Variants in ARFGEF3 observed in about 807,000 individuals in gnomAD.
The protein encoded by ARFGEF3 is brefeldin A-inhibited guanine nucleotide-exchange protein 3.
ARFGEF3 carries 96 observed loss-of-function variants against 221.7 expected under a neutral mutation model. That is an observed-to-expected ratio of 0.43 (90% CI 0.37 to 0.51). The LOEUF is 0.51. Among genes scored for constraint, ARFGEF3 ranks in the 20% least tolerant of loss-of-function variants. The pLI, the probability that ARFGEF3 is intolerant of heterozygous loss-of-function variation, is 0.00. For synonymous variants in ARFGEF3, 1,145 were observed against 1,126.8 expected, an observed-to-expected ratio of 1.02 and a Z score of -0.32; for missense variants, 2,410 against 2,789.9, an observed-to-expected ratio of 0.86 and a Z score of 3.07.
At chr6:138,283,137 G>T (rs1007621445) in intron 14 of ARFGEF3, among the ~76,000 whole-genome samples, 1 of 152,128 alleles carries the variant, frequency 6.6e-6, no homozygotes, top group Non-Finnish European at 1.5e-5. Flanking sequence ...CTTGATTTCC[G>T]TTTGTTTTCA....
At chr6:138,169,993 A>T (rs1776795741) in intron 1 of ARFGEF3, among the ~76,000 whole-genome samples, 1 of 152,204 alleles carries the variant, frequency 6.6e-6, no homozygotes, top group Admixed American at 6.5e-5. Flanking sequence ...GCAAGACTGG[A>T]GACAAGTTGG....
rs1776677252 is a variant in ARFGEF3, at chr6:138,164,258, CTCAGAATGCTCT to C, written c.85+2095_85+2106del. On this transcript the variant is annotated intron_variant, in intron 1 of 33. Coordinates refer to ENST00000251691, the MANE Select transcript of ARFGEF3 (RefSeq NM_020340.5). The stretch of plus-strand genomic sequence containing the variant: ...TATTTCTAGATTAATGTGTAAATTC[CTCAGAATGCTCT>C]TCAGAATCTAGCCCCAGCCTCTGTT... Among the ~76,000 whole-genome samples, 7 of 152,312 alleles carry C rather than the reference CTCAGAATGCTCT, an allele frequency of 4.6e-5. No individual in the cohort carries two copies. The South Asian group carries it at 1.5e-3, about 32-fold the overall frequency.
At chr6:138,172,157 T>C (rs1776848176) in intron 2 of ARFGEF3, among the ~76,000 whole-genome samples, 1 of 152,220 alleles carries the variant, frequency 6.6e-6, no homozygotes, top group South Asian at 2.1e-4. Context: ...AGCTTATACA[T>C]GAACAGAATG....
intron 14 of ARFGEF3, among the ~76,000 whole-genome samples, chr6:138,282,955 G>A (rs996154758): frequency 1.3e-5 from 2 of 152,136 alleles, no homozygotes; most frequent in African/African-American, 4.8e-5. Context: ...GGAGGCTAAG[G>A]TGGAAGAACC....
At chr6:138,315,541 A>ATGAT (rs1368040756) in intron 26 of ARFGEF3, among the ~76,000 whole-genome samples, 2 of 152,128 alleles carry the variant, frequency 1.3e-5, no homozygotes, top group Non-Finnish European at 2.9e-5. Context: ...TTCGATGGAG[A>ATGAT]TGATAAACAA....
intron 10 of ARFGEF3, among the ~76,000 whole-genome samples, chr6:138,259,362 G>C (rs994178053): frequency 3.3e-5 from 5 of 152,164 alleles, no homozygotes; most frequent in African/African-American, 1.2e-4. Context: ...GTTTTTCAAA[G>C]CACAGCCCCT....
intron 8 of ARFGEF3, 145 bp from the exon 9 acceptor site, chr6:138,253,735 A>G (rs890268704): frequency 1.5e-6 from 1 of 668,354 alleles, no homozygotes; most frequent in African/African-American, 1.8e-5. Flanking sequence ...GGAGAGAGAC[A>G]CAGTTCAACC....
intron 24 of ARFGEF3, among the ~76,000 whole-genome samples, chr6:138,310,966 A>T (rs1779816184): frequency 6.6e-6 from 1 of 152,216 alleles, no homozygotes; most frequent in South Asian, 2.1e-4. Flanking sequence ...GAAGCGCTTC[A>T]TTCCAGCCCA....
chr6:138,190,304 C>T (rs989996379), intron 2 of ARFGEF3, among the ~76,000 whole-genome samples: 4 of 151,878 alleles, frequency 2.6e-5, no homozygotes, highest in Non-Finnish European at 5.9e-5. Flanking sequence ...GTGGAGGAAG[C>T]ACTAACCTTG....
Position 138,296,799 on chromosome 6 carries a change from C to A in ARFGEF3, c.3503-11C>A. ...TGGCTTTCTGGCATTTATGTTCTTG[C>A]CTTCCTGTAGGAGAAGTTAAATCCA... On this transcript the variant is annotated splice_polypyrimidine_tract_variant and intron_variant, in intron 20 of 33. Coordinates refer to ENST00000251691, the MANE Select transcript of ARFGEF3 (RefSeq NM_020340.5). 1 of 1,611,472 alleles carries A rather than the reference C, an allele frequency of 6.2e-7. No individual in the cohort carries two copies. The highest frequency in any genetic ancestry group is 2.2e-5 in the East Asian group (1 of 44,868).
At chr6:138,213,227 A>G (rs983574866) in intron 4 of ARFGEF3, among the ~76,000 whole-genome samples, 13 of 150,634 alleles carry the variant, frequency 8.6e-5, no homozygotes, top group Non-Finnish European at 1.3e-4. Context: ...GGCAGAGCTT[A>G]TAGTGAGCTG....
chr6:138,310,227 G>A (rs1035875720), intron 24 of ARFGEF3, among the ~76,000 whole-genome samples: 2 of 152,276 alleles, frequency 1.3e-5, no homozygotes, highest in African/African-American at 2.4e-5. Flanking sequence ...ATTTTGGGAC[G>A]CCTGCTGTAA....
chr6:138,192,895 T>C (rs1410531093), intron 2 of ARFGEF3, among the ~76,000 whole-genome samples: 1 of 151,898 alleles, frequency 6.6e-6, no homozygotes, highest in Admixed American at 6.5e-5. Flanking sequence ...TGACCAAGAG[T>C]AGTTTGACTC....
At chr6:138,191,546 T>G (rs1777304890) in intron 2 of ARFGEF3, among the ~76,000 whole-genome samples, 1 of 152,170 alleles carries the variant, frequency 6.6e-6, no homozygotes. Context: ...CCTATCCTTC[T>G]GTTCTGCACC....
In ARFGEF3 at chr6:138,342,039, C is replaced by T. The variant is rs1178986960; in HGVS notation, c.*5553C>T. The T allele has an allele frequency of 1.3e-5, 2 of 152,184 alleles. No individual in the cohort carries two copies. Among genetic ancestry groups the T allele is most frequent in the Admixed American group, 6.5e-5 (1 of 15,278 alleles). The allele number at this position is 152,184 out of a possible 1,614,324, so 9.4% of individuals were successfully genotyped here. ...TGAATCCCATCTAATTATGGTCCTT[C>T]CACCCTTTTCAACCACCAACAACTG... is the stretch of plus-strand genomic sequence containing the variant. On this transcript the variant is annotated 3_prime_UTR_variant, in exon 34 of 34. Transcript: ENST00000251691.
At chr6:138,295,636 AAAAAG>A (rs1779497703) in intron 20 of ARFGEF3, among the ~76,000 whole-genome samples, 1 of 151,896 alleles carries the variant, frequency 6.6e-6, no homozygotes, top group Non-Finnish European at 1.5e-5. Flanking sequence ...TCAAAAAAAA[AAAAAG>A]AAAGAAAGAA....
At chr6:138,250,051 A>G (rs907332844) in intron 8 of ARFGEF3, among the ~76,000 whole-genome samples, 9 of 152,212 alleles carry the variant, frequency 5.9e-5, no homozygotes, top group Admixed American at 2.6e-4. Flanking sequence ...CTTTATTTCT[A>G]TTAGCTAAAC....
At chr6:138,255,083 G>A (rs1778650504) in intron 9 of ARFGEF3, among the ~76,000 whole-genome samples, 1 of 152,212 alleles carries the variant, frequency 6.6e-6, no homozygotes, top group Non-Finnish European at 1.5e-5. Context: ...AATGATAGGT[G>A]TCAGTATGGA....
intron 10 of ARFGEF3, among the ~76,000 whole-genome samples, chr6:138,261,081 C>T (rs1778781717): frequency 6.6e-6 from 1 of 152,144 alleles, no homozygotes; most frequent in Admixed American, 6.5e-5. Context: ...ATTCAAGGAA[C>T]AGGGAATTCC....
Sources: gnomAD v4.1 joint callset for allele counts (sites outside exome capture counted in the v4.1 genomes callset) on GRCh38, gnomAD v4.1.1 for gene constraint, MANE v1.5 for transcripts, NCBI Gene and HGNC (gene_info 2026-07-23, HGNC 2026-07-21) for gene names.